EPB41: variants seen among roughly 807,000 people sequenced by gnomAD.
EPB41 encodes erythrocyte membrane protein band 4.1, also known as protein 4.1.
A neutral mutation model predicts 108.0 loss-of-function variants in EPB41; 65 were observed. The observed-to-expected ratio is 0.60, with a 90% confidence interval of 0.49 to 0.74. The LOEUF is 0.74. EPB41 is among the 30% of genes least tolerant of loss of function. The probability of loss-of-function intolerance (pLI) is 0.00; values close to 1 mark genes in which losing one functional copy is unlikely to be tolerated. For missense variants in EPB41, 875 were observed against 1,037.0 expected (o/e 0.84, Z 2.15); for synonymous variants, 336 against 358.9 (o/e 0.94, Z 0.72).
At chr1:29,110,941 C>A (rs1482382910) in intron 18 of EPB41, among the ~76,000 whole-genome samples, 2 of 152,042 alleles carry the variant, frequency 1.3e-5, no homozygotes, top group East Asian at 3.9e-4. Flanking sequence ...CCAAGGCGGG[C>A]GGATCACCTG....
At chr1:28,895,246 A>G (rs369975702) in intron 1 of EPB41, among the ~76,000 whole-genome samples, 39 of 152,222 alleles carry the variant, frequency 2.6e-4, no homozygotes, top group African/African-American at 9.4e-4. Flanking sequence ...CCTGGGACTC[A>G]CTAGTCATCA....
Position 29,117,526 on chromosome 1 carries a change from T to C in EPB41, c.*714T>C, listed in dbSNP as rs41266201. 2.5e-3 allele frequency: 385 copies of C among 152,782 alleles called. 1 individual carries two copies. Among genetic ancestry groups the C allele is most frequent in the Non-Finnish European group, 4.4e-3 (297 of 68,056 alleles). 9.5% of individuals were successfully genotyped at this position (152,782 alleles called of 1,614,324 possible). ...TTCAGATATCTGATACTGTGAATGT[T>C]TGAACATATCCGTGGCCTTCACCTC... On this transcript the variant is annotated 3_prime_UTR_variant, in exon 21 of 21. Transcript: ENST00000343067.
rs185451363 is a variant in EPB41, at chr1:29,060,683, A to G, written c.2007+199A>G. Reference sequence around the variant, plus strand: ...CGCCTTCTGATTCTTTTTAGTTTCTATCTGTCATACTTACCTGGAAAAATA... The same window carrying G: ...CGCCTTCTGATTCTTTTTAGTTTCTGTCTGTCATACTTACCTGGAAAAATA... On this transcript the variant is annotated intron_variant, in intron 15 of 20. Transcript: ENST00000343067. Among the ~76,000 whole-genome samples the G allele has an allele frequency of 1.8e-4, 27 of 152,294 alleles. No homozygotes were observed. The East Asian group carries it at 4.8e-3, about 27-fold the overall frequency.
intron 17 of EPB41, 138 bp downstream of exon 17, chr1:29,098,073 T>A: frequency 7.8e-7 from 1 of 1,283,522 alleles, no homozygotes; most frequent in Non-Finnish European, 1.1e-6. Flanking sequence ...ATTACTGGTC[T>A]AAGAAGGTCC....
intron 1 of EPB41, among the ~76,000 whole-genome samples, chr1:28,889,606 G>C (rs1315966457): frequency 6.6e-6 from 1 of 152,258 alleles, no homozygotes; most frequent in Admixed American, 6.5e-5. Flanking sequence ...CATCTGGCTA[G>C]GAAGATGCTG....
At chr1:29,002,427 G>A (rs1487837825) in intron 4 of EPB41, among the ~76,000 whole-genome samples, 2 of 151,452 alleles carry the variant, frequency 1.3e-5, no homozygotes, top group Non-Finnish European at 2.9e-5. Context: ...ACTTGCCTGG[G>A]TGACAGGGAT....
chr1:28,912,927 A>C (rs1221684840), upstream of EPB41, among the ~76,000 whole-genome samples: 1 of 151,868 alleles, frequency 6.6e-6, no homozygotes, highest in Non-Finnish European at 1.5e-5. Flanking sequence ...TAATTCTTAC[A>C]GTAACTCTGT....
At chr1:29,093,883 C>T (rs1430661615) in intron 16 of EPB41, among the ~76,000 whole-genome samples, 11 of 152,224 alleles carry the variant, frequency 7.2e-5, no homozygotes, top group East Asian at 1.9e-4. Flanking sequence ...CCAACCTGGG[C>T]GAGAAAGCGA....
chr1:29,066,969 C>T (rs1648300785), intron 16 of EPB41, among the ~76,000 whole-genome samples: 1 of 151,682 alleles, frequency 6.6e-6, no homozygotes. Flanking sequence ...GCCACCGTGC[C>T]CAGCTAAAAC....
chr1:29,037,544 A>G (rs893676482), intron 10 of EPB41, among the ~76,000 whole-genome samples: 1 of 151,342 alleles, frequency 6.6e-6, no homozygotes, highest in African/African-American at 2.4e-5. Context: ...TAGACAAGTA[A>G]TTACTTGTAT....
At position 28,963,383 on chromosome 1, in the gene EPB41, C is replaced by G. The variant is rs201406191; in HGVS notation, c.-7-24048C>G. Among the ~76,000 whole-genome samples, 584 of 105,702 alleles carry G rather than the reference C, an allele frequency of 5.5e-3. 5 individuals are homozygous for G. The highest frequency in any genetic ancestry group is 0.019 in the African/African-American group (505 of 26,366). 69.3% of individuals were successfully genotyped at this position (105,702 alleles called of 152,430 possible). ...TGTGTGTGTGTGTGTGTGTGTGTGT[C>G]TGTGTGTGATTTTAGCCTTGTATGA... On this transcript the variant is annotated intron_variant, in intron 1 of 20. Transcript: ENST00000343067.
chr1:29,010,269 G>A (rs1160152117), intron 4 of EPB41, among the ~76,000 whole-genome samples: 1 of 152,114 alleles, frequency 6.6e-6, no homozygotes, highest in Non-Finnish European at 1.5e-5. Context: ...AACCCGGGAG[G>A]CGGAGGTTGC....
intron 1 of EPB41, among the ~76,000 whole-genome samples, chr1:28,955,574 ACCT>A (rs1275838800): frequency 6.6e-6 from 1 of 151,858 alleles, no homozygotes; most frequent in Non-Finnish European, 1.5e-5. Context: ...TGATCTCTTG[ACCT>A]CATGATCCGC....
At chr1:28,904,503 G>A (rs1026422889) in intron 1 of EPB41, among the ~76,000 whole-genome samples, 1 of 152,130 alleles carries the variant, frequency 6.6e-6, no homozygotes, top group Non-Finnish European at 1.5e-5. Context: ...AACCTCTAAG[G>A]TAATGGTATT....
chr1:28,890,094 G>C (rs1407377742), intron 1 of EPB41, among the ~76,000 whole-genome samples: 2 of 151,942 alleles, frequency 1.3e-5, no homozygotes, highest in African/African-American at 4.8e-5. Context: ...CTGGAGTGCA[G>C]TGGCATGATC....
chr1:29,071,764 AT>A (rs1651584775), intron 16 of EPB41: 2 of 152,190 alleles, frequency 1.3e-5, no homozygotes, highest in Non-Finnish European at 2.9e-5. Flanking sequence ...GAAACCTTGC[AT>A]GTAGCTTGCT....
chr1:28,929,754 G>A (rs1337164954), intron 1 of EPB41, among the ~76,000 whole-genome samples: 4 of 143,876 alleles, frequency 2.8e-5, no homozygotes, highest in African/African-American at 5.2e-5. Flanking sequence ...GGCTAGTCTC[G>A]AACTCCTGAC....
intron 16 of EPB41, among the ~76,000 whole-genome samples, chr1:29,076,919 A>T (rs1654321532): frequency 6.6e-6 from 1 of 152,166 alleles, no homozygotes; most frequent in Admixed American, 6.5e-5. Flanking sequence ...AAAAAATTTT[A>T]AATAAAAATA....
intron 16 of EPB41, among the ~76,000 whole-genome samples, chr1:29,084,360 A>G (rs933685856): frequency 2.0e-5 from 3 of 152,266 alleles, no homozygotes; most frequent in Admixed American, 2.0e-4. Context: ...TGCACAGATG[A>G]TGGTGACTGA....
Sources: gnomAD v4.1 joint callset for allele counts (sites outside exome capture counted in the v4.1 genomes callset) on GRCh38, gnomAD v4.1.1 for gene constraint, MANE v1.5 for transcripts, NCBI Gene and HGNC (gene_info 2026-07-23, HGNC 2026-07-21) for gene names.